PRKCE: variants seen among roughly 807,000 people sequenced by gnomAD.
The protein encoded by PRKCE is protein kinase C epsilon type.
A neutral mutation model predicts 85.4 loss-of-function variants in PRKCE; 16 were observed. That is an observed-to-expected ratio of 0.19 (90% confidence interval 0.13 to 0.28). The LOEUF is 0.28. PRKCE is among the 10% of genes least tolerant of loss of function. PRKCE has a pLI of 1.00. For missense variants in PRKCE, 573 were observed against 975.2 expected (o/e 0.59, Z 5.49); for synonymous variants, 388 against 371.5 (o/e 1.04, Z -0.51).
intron 1 of PRKCE, among the ~76,000 whole-genome samples, chr2:45,684,771 T>C (rs1397746334): frequency 6.6e-6 from 1 of 152,158 alleles, no homozygotes; most frequent in Non-Finnish European, 1.5e-5. Flanking sequence ...GTGCTTTCTG[T>C]GACGTGTGTA....
chr2:45,788,927 A>T (rs921913530), intron 1 of PRKCE, among the ~76,000 whole-genome samples: 2 of 152,224 alleles, frequency 1.3e-5, no homozygotes, highest in Non-Finnish European at 2.9e-5. Flanking sequence ...ATATTCAAAT[A>T]ATATTCAAAT....
At chr2:45,872,541 A>G (rs1694175050) in intron 2 of PRKCE, among the ~76,000 whole-genome samples, 2 of 151,774 alleles carry the variant, frequency 1.3e-5, no homozygotes, top group Non-Finnish European at 2.9e-5. Context: ...CCAGAGGTCA[A>G]TTAAGAGCCA....
chr2:45,741,722 G>C (rs1314521696), intron 1 of PRKCE, among the ~76,000 whole-genome samples: 1 of 151,136 alleles, frequency 6.6e-6, no homozygotes, highest in Non-Finnish European at 1.5e-5. Flanking sequence ...GAAGGTTCAA[G>C]GGGTGGTGCA....
At chr2:45,776,215 G>T (rs1211402027) in intron 1 of PRKCE, among the ~76,000 whole-genome samples, 1 of 152,196 alleles carries the variant, frequency 6.6e-6, no homozygotes, top group Non-Finnish European at 1.5e-5. Context: ...AACATGGGTT[G>T]AATAGCAAAG....
chr2:46,069,576 T>C (rs1667899486), intron 10 of PRKCE, among the ~76,000 whole-genome samples: 1 of 152,220 alleles, frequency 6.6e-6, no homozygotes, highest in Non-Finnish European at 1.5e-5. Flanking sequence ...GAAATTCAGG[T>C]TTCCATGTTA....
rs1386144553 is a variant in PRKCE at position 45,907,859 on chromosome 2, G to C, written c.412+64796G>C. ...ATCCTCTGAGCTAATAATACTTGCC[G>C]AGTGCTGAGAACAGTGCCTGGTATC... On this transcript the variant is annotated intron_variant, in intron 2 of 14. Coordinates refer to ENST00000306156, the MANE Select transcript of PRKCE (RefSeq NM_005400.3). The surrounding 1 kb of genome is among the most constrained non-coding windows in gnomAD (Gnocchi z 4.5). 3.3e-5 allele frequency among the ~76,000 whole-genome samples: 5 copies of C among 152,164 alleles called. No individual in the cohort carries two copies. The highest frequency in any genetic ancestry group is 7.3e-5 in the Non-Finnish European group (5 of 68,032).
chr2:45,853,998 T>C (rs1387168418), intron 2 of PRKCE, among the ~76,000 whole-genome samples: 1 of 152,194 alleles, frequency 6.6e-6, no homozygotes. Flanking sequence ...AGCATTCCCC[T>C]GGTTCATGAC....
chr2:45,713,049 T>C (rs1679798894), intron 1 of PRKCE, among the ~76,000 whole-genome samples: 2 of 152,364 alleles, frequency 1.3e-5, no homozygotes, highest in South Asian at 4.1e-4. Flanking sequence ...GTTTTCATCT[T>C]GGTCCCAGTC....
chr2:46,021,146 C>G (rs898701062), intron 10 of PRKCE, among the ~76,000 whole-genome samples: 1 of 152,168 alleles, frequency 6.6e-6, no homozygotes, highest in Non-Finnish European at 1.5e-5. Flanking sequence ...TTTGCAGGAA[C>G]AGACCCCTGA....
At chr2:46,039,454 C>T (rs1708089256) in intron 10 of PRKCE, among the ~76,000 whole-genome samples, 2 of 152,082 alleles carry the variant, frequency 1.3e-5, no homozygotes, top group Admixed American at 6.6e-5. Flanking sequence ...CAATGAGCCT[C>T]CACTGAGGCC....
Position 45,911,347 on chromosome 2 carries a change from T to C in PRKCE, c.413-65082T>C, listed in dbSNP as rs374639342. Among the ~76,000 whole-genome samples the C allele has an allele frequency of 2.6e-5, 4 of 152,342 alleles. No individual in the cohort carries two copies. The East Asian group carries it at 5.8e-4, about 22-fold the overall frequency. On this transcript the variant is annotated intron_variant, in intron 2 of 14. Transcript: ENST00000306156. ...GAATACAAACCAGGGCTAGACAGCA[T>C]GTGCACTGCACTGGACGGGAGTGTT...
At chr2:45,757,820 C>G (rs4267552) in intron 1 of PRKCE, among the ~76,000 whole-genome samples, 96,661 of 152,016 alleles carry the variant, frequency 0.64, 31,418 homozygotes, top group African/African-American at 0.77. Context: ...ATAGCCTCAG[C>G]GTGCTTAGGA....
chr2:46,047,641 A>G (rs2083901252), intron 10 of PRKCE, among the ~76,000 whole-genome samples: 1 of 152,244 alleles, frequency 6.6e-6, no homozygotes, highest in Admixed American at 6.5e-5. Context: ...GAATTTGATC[A>G]GGACACACTC....
At chr2:45,967,059 G>T (rs142791937) in intron 2 of PRKCE, among the ~76,000 whole-genome samples, 3 of 152,290 alleles carry the variant, frequency 2.0e-5, no homozygotes. Flanking sequence ...TCAGGGCCAG[G>T]GGTGTGCTGG....
At chr2:45,761,720 G>T (rs1481087116) in intron 1 of PRKCE, among the ~76,000 whole-genome samples, 1 of 152,120 alleles carries the variant, frequency 6.6e-6, no homozygotes, top group East Asian at 1.9e-4. Flanking sequence ...CTGGCTTCCT[G>T]CAAGTTTCTG....
chr2:46,121,924 A>T (rs1423235911), intron 11 of PRKCE, among the ~76,000 whole-genome samples: 1 of 152,202 alleles, frequency 6.6e-6, no homozygotes, highest in African/African-American at 2.4e-5. Flanking sequence ...GGCCAAGGGA[A>T]ATCATTTACA....
At chr2:45,926,547 T>G (rs544057497) in intron 2 of PRKCE, among the ~76,000 whole-genome samples, 1 of 152,356 alleles carries the variant, frequency 6.6e-6, no homozygotes, top group Non-Finnish European at 1.5e-5. Flanking sequence ...ACAGGTCATC[T>G]TATTTGATCC....
rs568799623 is a variant in PRKCE, at chr2:45,734,961, G to A, written c.348+82513G>A. Among the ~76,000 whole-genome samples, 12 of 152,332 alleles carry A rather than the reference G, an allele frequency of 7.9e-5. No individual in the cohort carries two copies. In the South Asian group the frequency reaches 1.0e-3, roughly 13 times the overall value. On this transcript the variant is annotated intron_variant, in intron 1 of 14. Coordinates refer to ENST00000306156, the MANE Select transcript of PRKCE (RefSeq NM_005400.3). ...TGCCTAGGACTTTTGTTACAGCTGC[G>A]TCGCAGCCCACCTGTTCCCTCTGCC...
At chr2:45,803,042 TA>T in intron 1 of PRKCE, among the ~76,000 whole-genome samples, 1 of 152,246 alleles carries the variant, frequency 6.6e-6, no homozygotes, top group Non-Finnish European at 1.5e-5. Context: ...CGTATTTTTT[TA>T]AGCAATAAGG....
Sources: gnomAD v4.1 joint callset for allele counts (sites outside exome capture counted in the v4.1 genomes callset) on GRCh38, gnomAD v4.1.1 for gene constraint, Gnocchi (gnomAD v3.1) non-coding constraint, MANE v1.5 for transcripts, NCBI Gene and HGNC (gene_info 2026-07-23, HGNC 2026-07-21) for gene names.